TRMT10B: variants seen among roughly 807,000 people sequenced by gnomAD.
TRMT10B encodes tRNA methyltransferase 10B, also known as tRNA methyltransferase 10 homolog B.
Under a neutral mutation model 43.8 loss-of-function variants are expected in TRMT10B, and 33 were observed. The observed-to-expected ratio is 0.75, with a 90% confidence interval of 0.57 to 1.01. The LOEUF (loss-of-function observed/expected upper bound fraction) is 1.01. Ranked by LOEUF, TRMT10B falls within the 50% of genes least tolerant of loss-of-function variation. The probability of loss-of-function intolerance (pLI) is 0.00; values close to 1 mark genes in which losing one functional copy is unlikely to be tolerated. For synonymous variants in TRMT10B, 137 were observed against 130.6 expected, an observed-to-expected ratio of 1.05 and a Z score of -0.34; for missense variants, 362 against 369.8, an observed-to-expected ratio of 0.98 and a Z score of 0.17.
chr9:37,752,935 G>T (rs1204305032), upstream of TRMT10B, among the ~76,000 whole-genome samples: 1 of 152,160 alleles, frequency 6.6e-6, no homozygotes, highest in Non-Finnish European at 1.5e-5. Flanking sequence ...TGGACTGTGG[G>T]TGCTTTGTTC....
In TRMT10B at chr9:37,778,143, A is replaced by G. The variant is rs1188990426; in HGVS notation, c.*436A>G. 6.1e-6 allele frequency: 1 copy of G among 164,160 alleles called. No homozygotes were observed. Among genetic ancestry groups the G allele is most frequent in the African/African-American group, 2.4e-5 (1 of 41,550 alleles). The allele number at this position is 164,160 out of a possible 1,614,324, so 10.2% of individuals were successfully genotyped here. A position where few individuals can be genotyped will look rare whatever the true frequency, so the allele number is the denominator to read the frequency against. On this transcript the variant is annotated 3_prime_UTR_variant, in exon 9 of 9. Coordinates refer to ENST00000297994, the MANE Select transcript of TRMT10B (RefSeq NM_144964.4). ...TGACATCTTCTCAGAGCTTCACAAT[A>G]ATGTCAGGGACCACATTTAATGCTT...
At chr9:37,777,194 CAAAAAAAAAAAAAAAAAAAA>C (rs11306620) in intron 8 of TRMT10B, among the ~76,000 whole-genome samples, 128 of 29,984 alleles carry the variant, frequency 4.3e-3, no homozygotes, top group Middle Eastern at 0.018. Context: ...AACTCCGCCT[CAAAAAAAAAAAAAAAAAAAA>C]AAAAAAAAAA....
In TRMT10B at chr9:37,776,422, C is replaced by G. The variant is rs768174755; in HGVS notation, c.844+17C>G. On this transcript the variant is annotated intron_variant, in intron 8 of 8. Coordinates refer to ENST00000297994, the MANE Select transcript of TRMT10B (RefSeq NM_144964.4). The stretch of plus-strand genomic sequence containing the variant: ...TCAATCAAGGTACTTCTTACACGGC[C>G]CCCATCCAGGGTGTGTGAGTTCTGG... 3 of 1,598,698 alleles carry G rather than the reference C, an allele frequency of 1.9e-6. No individual in the cohort carries two copies. In the South Asian group the frequency reaches 3.4e-5, roughly 18 times the overall value.
At chr9:37,774,857 T>C (rs1827975294) in intron 7 of TRMT10B, among the ~76,000 whole-genome samples, 1 of 152,236 alleles carries the variant, frequency 6.6e-6, no homozygotes, top group Admixed American at 6.5e-5. Flanking sequence ...AACAAAATGA[T>C]ACTGGACTAG....
rs766076492 is a variant in TRMT10B, at chr9:37,768,233, G to A, written c.573+5G>A. The A allele has an allele frequency of 6.8e-6, 11 of 1,606,996 alleles. No homozygotes were observed. The African/African-American group carries it at 1.3e-4, about 20-fold the overall frequency. On this transcript the variant is annotated splice_donor_5th_base_variant and intron_variant, in intron 5 of 8. Coordinates refer to ENST00000297994, the MANE Select transcript of TRMT10B (RefSeq NM_144964.4). ...GATGGATTTTCTAGTTACCTGGTAAGTCTCTTTTTGCATATTATTTGAATT... is the reference window on the plus strand; with the variant it reads ...GATGGATTTTCTAGTTACCTGGTAAATCTCTTTTTGCATATTATTTGAATT...
intron 1 of TRMT10B, among the ~76,000 whole-genome samples, chr9:37,757,348 T>C (rs1825837050): frequency 6.6e-6 from 1 of 152,202 alleles, no homozygotes; most frequent in South Asian, 2.1e-4. Context: ...AGTGCTGCGA[T>C]TACAGGCATG....
In TRMT10B at chr9:37,770,846, A is replaced by T. The variant is rs1827499216; in HGVS notation, c.720+107A>T. On this transcript the variant is annotated intron_variant, in intron 7 of 8. Transcript: ENST00000297994. ...CTAGAGGGTCTAAGAACTCAGAGGG[A>T]ACAGGAAGAAAGAGCCATCCCCACC... is the stretch of plus-strand genomic sequence containing the variant. 13 of 1,177,648 alleles carry T rather than the reference A, an allele frequency of 1.1e-5. No individual in the cohort carries two copies. The East Asian group carries it at 3.6e-4, about 32-fold the overall frequency. The allele number at this position is 1,177,648 out of a possible 1,614,324, so 72.9% of individuals were successfully genotyped here.
intron 5 of TRMT10B, 96 bp downstream of exon 5, chr9:37,768,324 C>A: frequency 2.2e-6 from 3 of 1,364,954 alleles, no homozygotes; most frequent in Non-Finnish European, 2.0e-6. Context: ...GTTACATTTT[C>A]AGTATTGAAG....
At chr9:37,765,535 C>T (rs933357556) in intron 4 of TRMT10B, among the ~76,000 whole-genome samples, 8 of 151,984 alleles carry the variant, frequency 5.3e-5, no homozygotes, top group Non-Finnish European at 1.0e-4. Flanking sequence ...TGAATAGTGC[C>T]GGAATAAACA....
rs1825630734 is a variant in TRMT10B at position 37,755,982 on chromosome 9, A to G, written c.-30+2130A>G. ...TTCCAATTTTTGAAAACAACAGTGG[A>G]AGTCTGTAGCTCCTAGGATCTCCTA... On this transcript the variant is annotated intron_variant, in intron 1 of 8. Transcript: ENST00000297994. Among the ~76,000 whole-genome samples the G allele has an allele frequency of 2.6e-5, 4 of 152,166 alleles. No homozygotes were observed. In the South Asian group the frequency reaches 8.3e-4, roughly 32 times the overall value.
rs1371275222 is a variant in TRMT10B, at chr9:37,769,729, T to TA, written c.574-211dup. 2.5e-5 allele frequency: 14 copies of TA among 553,844 alleles called. No individual in the cohort carries two copies. In the South Asian group the frequency reaches 2.8e-4, roughly 11 times the overall value. 34.3% of individuals were successfully genotyped at this position (553,844 alleles called of 1,614,324 possible). A position where few individuals can be genotyped will look rare whatever the true frequency, so the allele number is the denominator to read the frequency against. On this transcript the variant is annotated intron_variant, in intron 5 of 8. Coordinates refer to ENST00000297994, the MANE Select transcript of TRMT10B (RefSeq NM_144964.4). ...CCTGCCACCTCACTCCTAAGTATTA[T>TA]AGCTGGGACTACAGGCACATGCCAC...
intron 7 of TRMT10B, among the ~76,000 whole-genome samples, chr9:37,773,362 C>T (rs1481770591): frequency 2.6e-5 from 4 of 151,904 alleles, no homozygotes; most frequent in Non-Finnish European, 5.9e-5. Context: ...CTCAAGCAAT[C>T]CTTCTGCCTC....
At chr9:37,768,027 AG>A (rs2118846905) in intron 4 of TRMT10B, 48 bp from the exon 5 acceptor site, 1 of 1,604,020 alleles carries the variant, frequency 6.2e-7, no homozygotes, top group East Asian at 2.2e-5. Flanking sequence ...TAGCTAATTT[AG>A]AGTGAGTTGG....
Position 37,762,553 on chromosome 9 carries a change from A to G in TRMT10B, c.187-24A>G, listed in dbSNP as rs1229239554. ...TTGGTGCTTATGAAGTTCTCAAACA[A>G]TTTTGTTTTCTGGATAATATAAGAA... On this transcript the variant is annotated intron_variant, in intron 2 of 8. Coordinates refer to ENST00000297994, the MANE Select transcript of TRMT10B (RefSeq NM_144964.4). 4.5e-6 allele frequency: 7 copies of G among 1,560,166 alleles called. No individual in the cohort carries two copies. In the South Asian group the frequency reaches 6.1e-5, roughly 14 times the overall value.
In TRMT10B at chr9:37,761,966, TAG is replaced by T; in HGVS notation, c.38_39del (p.Glu13ValfsTer16). Reference sequence around the variant, plus strand: ...AAATTGGAAGGGAGTACTCAGAAAGTAGAGTCACCTGTGCTGCAGGGGCAAGA... The same window carrying T: ...AAATTGGAAGGGAGTACTCAGAAAGTAGTCACCTGTGCTGCAGGGGCAAGA... On this transcript the variant is annotated frameshift_variant, in exon 2 of 9. Transcript: ENST00000297994. LOFTEE classifies it high-confidence loss of function. 1.2e-6 allele frequency: 2 copies of T among 1,613,694 alleles called. No homozygotes were observed. The highest frequency in any genetic ancestry group is 1.7e-6 in the Non-Finnish European group (2 of 1,179,810).
intron 3 of TRMT10B, among the ~76,000 whole-genome samples, chr9:37,763,161 AAAAAC>A (rs1712797349): frequency 2.9e-5 from 4 of 139,392 alleles, no homozygotes; most frequent in Admixed American, 1.6e-4. Context: ...AAAAAAAAAA[AAAAAC>A]AAAAAAAAAA....
chr9:37,756,121 T>A (rs1825648471), intron 1 of TRMT10B, among the ~76,000 whole-genome samples: 1 of 152,204 alleles, frequency 6.6e-6, no homozygotes, highest in Non-Finnish European at 1.5e-5. Context: ...CTTGGTGGAA[T>A]GTTTATTAAC....
At chr9:37,765,345 G>A (rs12002106) in intron 4 of TRMT10B, among the ~76,000 whole-genome samples, 3,420 of 152,076 alleles carry the variant, frequency 0.022, 127 homozygotes, top group African/African-American at 0.078. Flanking sequence ...GAGAACATAC[G>A]GTGTTTGGTT....
At chr9:37,755,164 C>T (rs1206493913) in intron 1 of TRMT10B, among the ~76,000 whole-genome samples, 2 of 151,928 alleles carry the variant, frequency 1.3e-5, no homozygotes, top group East Asian at 1.9e-4. Flanking sequence ...CCCAGCTACT[C>T]AGGAAGCTGA....
Sources: gnomAD v4.1 joint callset for allele counts (sites outside exome capture counted in the v4.1 genomes callset) on GRCh38, gnomAD v4.1.1 for gene constraint, MANE v1.5 for transcripts, NCBI Gene and HGNC (gene_info 2026-07-23, HGNC 2026-07-21) for gene names.